The following VCAN variants were observed in gnomAD, a reference collection of about 807,000 sequenced individuals.
VCAN encodes the protein versican.
VCAN carries 44 observed loss-of-function variants against 245.5 expected under a neutral mutation model. The observed-to-expected ratio is 0.18, with a 90% confidence interval of 0.14 to 0.23. The LOEUF is 0.23. VCAN is among the 10% of genes least tolerant of loss of function. The pLI, the probability that VCAN is intolerant of heterozygous loss-of-function variation, is 1.00. For synonymous variants in VCAN, 1,413 were observed against 1,437.0 expected, an observed-to-expected ratio of 0.98 and a Z score of 0.38; for missense variants, 3,793 against 4,057.9, an observed-to-expected ratio of 0.93 and a Z score of 1.77.
intron 5 of VCAN, 66 bp downstream of exon 5, chr5:83,493,997 T>C (rs748744395): frequency 6.8e-6 from 11 of 1,610,600 alleles, no homozygotes; most frequent in East Asian, 2.2e-5. Context: ...CAGAAGTTCA[T>C]TGGAATAGAG....
chr5:83,482,488 C>T (rs1362218654), intron 1 of VCAN, among the ~76,000 whole-genome samples: 2 of 152,166 alleles, frequency 1.3e-5, no homozygotes, highest in Admixed American at 6.5e-5. Context: ...AAGTATGTGA[C>T]TGAGGGTAGG....
chr5:83,547,578 G>T (rs1244750710), intron 9 of VCAN, among the ~76,000 whole-genome samples: 1 of 152,148 alleles, frequency 6.6e-6, no homozygotes, highest in Non-Finnish European at 1.5e-5. Flanking sequence ...CATGTGTGAG[G>T]TAATCAGAGA....
At chr5:83,483,282 G>C (rs1744674811) in intron 1 of VCAN, among the ~76,000 whole-genome samples, 1 of 152,156 alleles carries the variant, frequency 6.6e-6, no homozygotes, top group Non-Finnish European at 1.5e-5. Flanking sequence ...AATGATTTTG[G>C]TAATGGCTGC....
chr5:83,532,245 G>A (rs1746551892), intron 7 of VCAN, among the ~76,000 whole-genome samples: 1 of 152,080 alleles, frequency 6.6e-6, no homozygotes, highest in South Asian at 2.1e-4. Flanking sequence ...TGTGTGGTGG[G>A]TGGAGGTGGT....
At chr5:83,572,653 C>T (rs1377807321) in intron 13 of VCAN, 93 bp downstream of exon 13, 12 of 1,493,050 alleles carry the variant, frequency 8.0e-6, no homozygotes, top group Non-Finnish European at 1.1e-5. Context: ...TTGTTTGAGA[C>T]ACAAACTGGA....
chr5:83,488,439 CAT>C (rs1000081437), intron 2 of VCAN, among the ~76,000 whole-genome samples: 2 of 152,294 alleles, frequency 1.3e-5, no homozygotes, highest in African/African-American at 4.8e-5. Context: ...TGTCAGGAGA[CAT>C]GTGTTCTGAC....
intron 10 of VCAN, among the ~76,000 whole-genome samples, chr5:83,552,021 T>A (rs1054713823): frequency 3.9e-5 from 6 of 152,196 alleles, no homozygotes; most frequent in African/African-American, 1.4e-4. Flanking sequence ...CTCAAAAGAA[T>A]TAGTCAGCTG....
chr5:83,572,898 TTTA>T (rs869218049), intron 13 of VCAN, among the ~76,000 whole-genome samples: 122 of 124,726 alleles, frequency 9.8e-4, no homozygotes, highest in African/African-American at 3.2e-3. Context: ...TATTTATTTA[TTTA>T]TTATTATTAT....
intron 1 of VCAN, among the ~76,000 whole-genome samples, chr5:83,476,587 T>C (rs765588853): frequency 1.3e-5 from 2 of 152,202 alleles, no homozygotes; most frequent in Non-Finnish European, 2.9e-5. Flanking sequence ...GATATGGATG[T>C]CTTGGCCAAG....
chr5:83,487,698 C>T (rs944845572), intron 2 of VCAN, among the ~76,000 whole-genome samples: 3 of 152,040 alleles, frequency 2.0e-5, no homozygotes, highest in Non-Finnish European at 4.4e-5. Context: ...TTTTAATTTT[C>T]TTATATATAT....
chr5:83,578,826 T>C (rs1283962779), intron 13 of VCAN, among the ~76,000 whole-genome samples: 2 of 152,178 alleles, frequency 1.3e-5, no homozygotes, highest in Non-Finnish European at 2.9e-5. Context: ...GTATTAAAGA[T>C]ATATAGGTAA....
In VCAN at chr5:83,537,532, T is replaced by A. The variant is rs1746770750; in HGVS notation, c.4529T>A (p.Phe1510Tyr). Residue 1510 changes from phenylalanine to tyrosine, a missense_variant, in exon 8 of 15, where the codon TTT becomes TAT. Transcript: ENST00000265077. ...VFPTVPFHEE[F>Y]ESGTAKKGAE... ...CCCACAGTCCCATTCCATGAGGAATTTGAAAGTGGAACAGCCAAAAAAGGG... is the reference window on the plus strand; with the variant it reads ...CCCACAGTCCCATTCCATGAGGAATATGAAAGTGGAACAGCCAAAAAAGGG... The A allele has an allele frequency of 6.2e-7, 1 of 1,613,680 alleles. No individual in the cohort carries two copies. Among genetic ancestry groups the A allele is most frequent in the South Asian group, 1.1e-5 (1 of 91,064 alleles).
intron 6 of VCAN, among the ~76,000 whole-genome samples, chr5:83,518,697 C>G (rs1561242546): frequency 6.6e-6 from 1 of 152,200 alleles, no homozygotes; most frequent in Non-Finnish European, 1.5e-5. Context: ...AGGATGAAGA[C>G]AAATGTCCAA....
intron 1 of VCAN, among the ~76,000 whole-genome samples, chr5:83,480,177 C>T (rs746875315): frequency 6.6e-6 from 1 of 152,212 alleles, no homozygotes; most frequent in African/African-American, 2.4e-5. Flanking sequence ...TAGAGCATGT[C>T]TGATCTCCTC....
chr5:83,500,054 A>G (rs931937667), intron 5 of VCAN, among the ~76,000 whole-genome samples: 1 of 152,168 alleles, frequency 6.6e-6, no homozygotes, highest in African/African-American at 2.4e-5. Flanking sequence ...ATAGATTCTC[A>G]GATTGCCTAT....
Position 83,541,386 on chromosome 5 carries a change from G to A in VCAN, c.8383G>A (p.Val2795Met), listed in dbSNP as rs754200508. The A allele has an allele frequency of 6.2e-7, 1 of 1,614,070 alleles. No individual in the cohort carries two copies. Among genetic ancestry groups the A allele is most frequent in the East Asian group, 2.2e-5 (1 of 44,870 alleles). ...THLMDQSVTE[V>M]PDVMEGSNPP... ...CCTTATGGATCAGAGTGTAACAGAG[G>A]TGCCTGATGTGATGGAAGGATCCAA... is the stretch of plus-strand genomic sequence containing the variant. The change falls in exon 8 of 15, where the codon GTG (valine) becomes ATG (methionine). Residue 2795 changes from valine to methionine, a missense_variant. Coordinates refer to ENST00000265077, the MANE Select transcript of VCAN (RefSeq NM_004385.5).
At chr5:83,504,713 C>G (rs1446750380) in intron 5 of VCAN, among the ~76,000 whole-genome samples, 1 of 152,152 alleles carries the variant, frequency 6.6e-6, no homozygotes, top group East Asian at 1.9e-4. Flanking sequence ...ATTTAACTTA[C>G]TGTAAACCTG....
At chr5:83,579,506 A>AC (rs1216995707) in intron 13 of VCAN, among the ~76,000 whole-genome samples, 1 of 151,832 alleles carries the variant, frequency 6.6e-6, no homozygotes, top group Non-Finnish European at 1.5e-5. Flanking sequence ...CTCGTGATCC[A>AC]CCCCGCTTGG....
chr5:83,554,011 T>C lies in VCAN; in HGVS notation c.9652+489T>C, dbSNP rs533139421. Among the ~76,000 whole-genome samples the C allele has an allele frequency of 9.8e-5, 15 of 152,342 alleles. 1 individual carries two copies. The East Asian group carries it at 2.9e-3, about 29-fold the overall frequency. ...TGATTCTCATTCAAGTTTCTAAATA[T>C]TTTAAATTGTGGAAAGTGAGCTACA... On this transcript the variant is annotated intron_variant, in intron 11 of 14. Transcript: ENST00000265077.
Sources: allele counts gnomAD v4.1 joint callset (sites outside exome capture counted in the v4.1 genomes callset), GRCh38; gene constraint gnomAD v4.1.1; transcripts MANE v1.5; gene names NCBI Gene and HGNC (gene_info 2026-07-23, HGNC 2026-07-21).